The following ATIC variants were observed in gnomAD, a reference collection of about 807,000 sequenced individuals.
The protein encoded by ATIC is 5-aminoimidazole-4-carboxamide ribonucleotide formyltransferase/IMP cyclohydrolase, also known as bifunctional purine biosynthesis protein ATIC.
In ATIC, 64 loss-of-function variants were observed where a neutral mutation model predicts 72.5. The observed-to-expected ratio is 0.88, with a 90% CI of 0.72 to 1.09. The LOEUF (loss-of-function observed/expected upper bound fraction) is 1.09, where lower values mean the gene tolerates loss of function less well. Among genes scored for constraint, ATIC ranks in the 50% least tolerant of loss-of-function variants. The pLI is 0.00. For synonymous variants in ATIC, 281 were observed against 267.1 expected (o/e 1.05, Z -0.51); for missense variants, 787 against 732.4 (o/e 1.07, Z -0.86).
intron 7 of ATIC, among the ~76,000 whole-genome samples, chr2:215,328,865 C>A (rs1278307556): frequency 6.6e-6 from 1 of 151,966 alleles, no homozygotes; most frequent in Non-Finnish European, 1.5e-5. Flanking sequence ...CTACAGGCGC[C>A]TGCCACCACA....
intron 7 of ATIC, among the ~76,000 whole-genome samples, chr2:215,327,587 A>G (rs1575117605): frequency 6.6e-6 from 1 of 152,318 alleles, no homozygotes; most frequent in African/African-American, 2.4e-5. Flanking sequence ...TTCCAAAGGT[A>G]GGCTGTGAGA....
At chr2:215,365,413 G>T in the ATIC span, 3 of 1,380,968 alleles carry the variant, frequency 2.2e-6, no homozygotes, top group Non-Finnish European at 2.1e-6. Flanking sequence ...GAGACCTAAA[G>T]TCTCCAATCA....
At chr2:215,359,171 A>T in the ATIC span, among the ~76,000 whole-genome samples, 1 of 152,102 alleles carries the variant, frequency 6.6e-6, no homozygotes, top group African/African-American at 2.4e-5. Flanking sequence ...GGTGTGAACC[A>T]CCCTTCCCGG....
chr2:215,367,851 G>A, the ATIC span: 1 of 1,613,648 alleles, frequency 6.2e-7, no homozygotes, highest in South Asian at 1.1e-5. Flanking sequence ...GATGGACAAA[G>A]CAACTACTCA....
chr2:215,334,633 A>G (rs1339640602), intron 9 of ATIC, among the ~76,000 whole-genome samples: 1 of 152,252 alleles, frequency 6.6e-6, no homozygotes, highest in Non-Finnish European at 1.5e-5. Context: ...AGCAGTGGTC[A>G]GCAACTTCAG....
chr2:215,331,201 C>A (rs1314744645), intron 7 of ATIC, among the ~76,000 whole-genome samples: 1 of 152,024 alleles, frequency 6.6e-6, no homozygotes, highest in Non-Finnish European at 1.5e-5. Flanking sequence ...CCAGTAAGCT[C>A]CATAAGGACA....
intron 8 of ATIC, 146 bp downstream of exon 8, chr2:215,332,653 A>G: frequency 4.6e-6 from 5 of 1,076,182 alleles, no homozygotes; most frequent in South Asian, 1.7e-5. Flanking sequence ...CAATGTAATA[A>G]TATAAAATCT....
At chr2:215,357,750 C>T in the ATIC span, among the ~76,000 whole-genome samples, 1,038 of 152,156 alleles carry the variant, frequency 6.8e-3, 10 homozygotes, top group African/African-American at 0.024. Flanking sequence ...GAAAAAACTT[C>T]CTTAGTTTCT....
At chr2:215,327,880 C>G (rs2052846411) in intron 7 of ATIC, among the ~76,000 whole-genome samples, 2 of 100,594 alleles carry the variant, frequency 2.0e-5, no homozygotes, top group Admixed American at 2.7e-4. Context: ...ATTGTTCTGC[C>G]TCAGATAGAT....
At chr2:215,323,197 G>A (rs183453588) in intron 4 of ATIC, among the ~76,000 whole-genome samples, 103 of 152,196 alleles carry the variant, frequency 6.8e-4, no homozygotes, top group South Asian at 2.1e-3. Context: ...CGCCCGCCTC[G>A]GCCTCCCAAA....
downstream of ATIC, among the ~76,000 whole-genome samples, chr2:215,351,646 T>G (rs541523557): frequency 1.2e-4 from 18 of 152,284 alleles, no homozygotes; most frequent in African/African-American, 3.9e-4. Flanking sequence ...ATTCTTCACA[T>G]AGATGAAGAA....
chr2:215,339,017 C>A, intron 12 of ATIC, 110 bp downstream of exon 12: 3 of 1,421,710 alleles, frequency 2.1e-6, no homozygotes, highest in Non-Finnish European at 3.0e-6. Context: ...GGTCTGTATG[C>A]ACACGGCTAG....
chr2:215,351,786 G>C (rs2053132694), downstream of ATIC, among the ~76,000 whole-genome samples: 2 of 152,168 alleles, frequency 1.3e-5, no homozygotes, highest in Admixed American at 6.5e-5. Context: ...TCAAAGAGGA[G>C]AGTATAGAAA....
the ATIC span, chr2:215,363,225 C>T: frequency 6.6e-6 from 1 of 152,120 alleles, no homozygotes; most frequent in Non-Finnish European, 1.5e-5. Flanking sequence ...ATAAGTGTCG[C>T]ACATGAAAGG....
chr2:215,314,164 A>G (rs2052684808), intron 2 of ATIC, among the ~76,000 whole-genome samples: 1 of 152,150 alleles, frequency 6.6e-6, no homozygotes, highest in Non-Finnish European at 1.5e-5. Context: ...TTATGGTCAT[A>G]TCTTCTTTAA....
rs369914890 is a variant in ATIC at position 215,338,912 on chromosome 2, G to A, written c.1227+5G>A. 2 of 1,613,006 alleles carry A rather than the reference G, an allele frequency of 1.2e-6. No individual in the cohort carries two copies. Among genetic ancestry groups the A allele is most frequent in the African/African-American group, 1.3e-5 (1 of 75,024 alleles). On this transcript the variant is annotated splice_donor_5th_base_variant and intron_variant, in intron 12 of 15. Transcript: ENST00000236959. Reference sequence around the variant, plus strand: ...GTTGTTACCAAAAATAAAGATGTAAGTTGGGAAGTATCTGAACTGACTGCT... The same window carrying A: ...GTTGTTACCAAAAATAAAGATGTAAATTGGGAAGTATCTGAACTGACTGCT...
downstream of ATIC, among the ~76,000 whole-genome samples, chr2:215,352,785 T>C (rs866390816): frequency 2.0e-5 from 3 of 151,988 alleles, no homozygotes; most frequent in African/African-American, 7.3e-5. Flanking sequence ...TTGCATTTGA[T>C]TGGCATGTCT....
chr2:215,346,187 G>T (rs2053068902), intron 13 of ATIC, among the ~76,000 whole-genome samples: 1 of 151,830 alleles, frequency 6.6e-6, no homozygotes, highest in Non-Finnish European at 1.5e-5. Flanking sequence ...ATAGAGACAG[G>T]GTCTTGCTCT....
Position 215,318,202 on chromosome 2 carries a change from T to C in ATIC, c.192T>C (p.Arg64=). The C allele has an allele frequency of 6.2e-7, 1 of 1,614,124 alleles. No homozygotes were observed. The highest frequency in any genetic ancestry group is 8.5e-7 in the Non-Finnish European group (1 of 1,179,992). The change falls in exon 3 of 16, where the codon CGT becomes CGC. Residue 64 remains arginine, a synonymous_variant. Transcript: ENST00000236959. ...LTGFPEMLGG[R]VKTLHPAVHA... The stretch of plus-strand genomic sequence containing the variant: ...GATTTCCTGAAATGTTGGGGGGACG[T>C]GTGAAAACTTTGCATCCTGCAGTCC...
Sources: allele counts gnomAD v4.1 joint callset (sites outside exome capture counted in the v4.1 genomes callset), GRCh38; gene constraint gnomAD v4.1.1; transcripts MANE v1.5; gene names NCBI Gene and HGNC (gene_info 2026-07-23, HGNC 2026-07-21).